MKS1: variants seen among roughly 807,000 people sequenced by gnomAD.
MKS1 encodes the protein MKS transition zone complex subunit 1, also known as tectonic-like complex member MKS1.
Under a neutral mutation model 83.7 loss-of-function variants are expected in MKS1, and 70 were observed. The observed-to-expected ratio is 0.84, with a 90% CI of 0.69 to 1.02. The LOEUF is 1.02. MKS1 is among the 50% of genes least tolerant of loss of function. MKS1 has a pLI of 0.00. For missense variants in MKS1, 681 were observed against 726.9 expected (o/e 0.94, Z 0.73); for synonymous variants, 251 against 273.4 (o/e 0.92, Z 0.81).
chr17:58,216,446 G>A (rs1969222643), intron 3 of MKS1, among the ~76,000 whole-genome samples: 1 of 152,218 alleles, frequency 6.6e-6, no homozygotes. Context: ...ATCCAAGTCT[G>A]CTATTACAGA....
At chr17:58,218,292 C>CA (rs1196045957) in intron 2 of MKS1, among the ~76,000 whole-genome samples, 1 of 151,396 alleles carries the variant, frequency 6.6e-6, no homozygotes, top group Non-Finnish European at 1.5e-5. Context: ...ACTGAAAATA[C>CA]AAAAAATTAG....
Position 58,215,707 on chromosome 17 carries a change from A to C in MKS1, c.417+381T>G, listed in dbSNP as rs1969152147. The C allele has an allele frequency of 1.0e-5, 3 of 298,142 alleles. No individual in the cohort carries two copies. In the South Asian group the frequency reaches 1.1e-4, roughly 11 times the overall value. The allele number at this position is 298,142 out of a possible 1,614,324, so 18.5% of individuals were successfully genotyped here. ...ACTGAATTCCTCTTCAAACCCATAT[A>C]CTCAGAGTTTGGGCTGAATCCCCTG... On this transcript the variant is annotated intron_variant, in intron 4 of 17. Coordinates refer to ENST00000393119, the MANE Select transcript of MKS1 (RefSeq NM_017777.4).
chr17:58,208,461 T>A, intron 12 of MKS1, 52 bp downstream of exon 12: 1 of 1,594,786 alleles, frequency 6.3e-7, no homozygotes, highest in Admixed American at 1.7e-5. Flanking sequence ...TCAAATGCCA[T>A]CCCAGGAGCA....
chr17:58,206,623 A>C (rs1475659019), intron 15 of MKS1, 76 bp from the exon 16 acceptor site: 1 of 1,385,960 alleles, frequency 7.2e-7, no homozygotes, highest in Non-Finnish European at 1.0e-6. Context: ...CCTCACCCCC[A>C]TTCTTATTCC....
intron 2 of MKS1, among the ~76,000 whole-genome samples, chr17:58,217,113 C>T (rs1004616775): frequency 1.3e-5 from 2 of 152,220 alleles, no homozygotes; most frequent in African/African-American, 2.4e-5. Context: ...CCTCAGCCTC[C>T]CAAGTAGCTG....
In MKS1 at chr17:58,212,998, C is replaced by G. The variant is rs794727927; in HGVS notation, c.842G>C (p.Arg281Pro). ...HAQPEEEERE[R>P]RVFKDLYGRH... is the part of the protein sequence containing the mutation. ...TGCGCTTACATCCTTGAACACTCGCCGTTCCCGCTCCTCCTCCTCCGGCTG... is the reference window on the plus strand; with the variant it reads ...TGCGCTTACATCCTTGAACACTCGCGGTTCCCGCTCCTCCTCCTCCGGCTG... The change falls in exon 8 of 18, where the codon CGG becomes CCG. Residue 281 changes from arginine (R) to proline (P), a missense_variant. Transcript: ENST00000393119. 1 of 1,614,016 alleles carries G rather than the reference C, an allele frequency of 6.2e-7. No individual in the cohort carries two copies. Among genetic ancestry groups the G allele is most frequent in the African/African-American group, 1.3e-5 (1 of 74,902 alleles).
At chr17:58,208,022 G>A (rs761733134) in intron 13 of MKS1, 21 bp from the exon 14 acceptor site, 18 of 1,611,748 alleles carry the variant, frequency 1.1e-5, no homozygotes, top group Non-Finnish European at 1.5e-5. Context: ...GGAGAGAAGC[G>A]GCCAGGTCAC....
intron 2 of MKS1, among the ~76,000 whole-genome samples, chr17:58,217,468 C>A (rs773364289): frequency 1.2e-4 from 19 of 152,078 alleles, no homozygotes; most frequent in Non-Finnish European, 2.8e-4. Context: ...ATTTAGGAGA[C>A]CAAGTGTAAG....
chr17:58,214,977 T>C (rs1969108506), intron 4 of MKS1, 139 bp from the exon 5 acceptor site: 2 of 1,379,352 alleles, frequency 1.4e-6, no homozygotes, highest in Admixed American at 4.0e-5. Context: ...TTATACATGC[T>C]AACGGAGGGA....
Position 58,211,032 on chromosome 17 carries a change from A to G in MKS1, c.916-10T>C, listed in dbSNP as rs750119538. 1.2e-6 allele frequency: 2 copies of G among 1,613,798 alleles called. No homozygotes were observed. Among genetic ancestry groups the G allele is most frequent in the African/African-American group, 2.7e-5 (2 of 74,938 alleles). On this transcript the variant is annotated splice_polypyrimidine_tract_variant and intron_variant, in intron 9 of 17. Coordinates refer to ENST00000393119, the MANE Select transcript of MKS1 (RefSeq NM_017777.4). ...GGGCACCTGGGACAGTCTAAGGTGA[A>G]GAGAAGTGGGAAAGGATCAGCAGGC...
chr17:58,213,999 G>C, intron 6 of MKS1, 130 bp from the exon 7 acceptor site: 1 of 979,464 alleles, frequency 1.0e-6, no homozygotes, highest in Non-Finnish European at 1.6e-6. Context: ...TTTCTTCCAA[G>C]TACAACTAAG....
intron 4 of MKS1, 114 bp downstream of exon 4, chr17:58,215,974 G>C: frequency 7.7e-7 from 1 of 1,304,050 alleles, no homozygotes; most frequent in Non-Finnish European, 1.1e-6. Flanking sequence ...GCAGTTCCTA[G>C]ACAGGCTACT....
At chr17:58,212,775 T>C (rs1968950374) in intron 8 of MKS1, among the ~76,000 whole-genome samples, 2 of 152,164 alleles carry the variant, frequency 1.3e-5, no homozygotes, top group African/African-American at 2.4e-5. Context: ...GCACAGAACA[T>C]GGTAAATGCT....
rs11548967 is a variant in MKS1 at position 58,206,088 on chromosome 17, C to G, written c.1671G>C (p.Leu557=). Residue 557 remains leucine, a synonymous_variant, in exon 18 of 18, where the codon CTG becomes CTC. Coordinates refer to ENST00000393119, the MANE Select transcript of MKS1 (RefSeq NM_017777.4). ...PQDLVSPSGT[L]VS ...CCAGGGCTGCTGTGAGCTAGGAGAC[C>G]AGGGTTCCAGAGGGGCTCACTAGGT... The G allele has an allele frequency of 0.034, 54,063 of 1,611,270 alleles. 1,584 individuals carry two copies. Among genetic ancestry groups the G allele is most frequent in the African/African-American group, 0.16 (11,657 of 74,950 alleles).
At position 58,210,980 on chromosome 17, in the gene MKS1, C is replaced by T. The variant is rs386834053; in HGVS notation, c.958G>A (p.Val320Ile). The change falls in exon 10 of 18, where the codon GTT becomes ATT. Residue 320 changes from valine (V) to isoleucine (I), a missense_variant and splice_region_variant. By Grantham distance (29) the Val-to-Ile change is conservative (BLOSUM62 3). Coordinates refer to ENST00000393119, the MANE Select transcript of MKS1 (RefSeq NM_017777.4). ...ALRLFVNGEV[V>I]SAQGYEYDNL... ...AGATCTATGCTAGCAAGACACTTAC[C>T]GACCTCTCCATTTACAAAGAGCCGG... 3.0e-5 allele frequency: 49 copies of T among 1,613,750 alleles called. No individual in the cohort carries two copies. Among genetic ancestry groups the T allele is most frequent in the East Asian group, 4.5e-5 (2 of 44,894 alleles).
chr17:58,207,119 T>C lies in MKS1; in HGVS notation c.1373A>G (p.Asp458Gly). Residue 458 changes from aspartate to glycine, a missense_variant, in exon 15 of 18, where the codon GAC (aspartate) becomes GGC (glycine). Asp to Gly is a moderately conservative substitution (Grantham distance 94, BLOSUM62 -1). Around this residue, in one of 3 missense-constraint regions of MKS1, gnomAD observed 310 missense variants for 321.7 expected, o/e 0.96. Transcript: ENST00000393119. ...FFIGGSLELE[D>G]LSYVRIPGSF... ...TCCTGGTATCCGTACATAGGAGAGG[T>C]CCTCCAGTTCCAGAGAACCGCCAAT... The C allele has an allele frequency of 6.2e-7, 1 of 1,613,768 alleles. No homozygotes were observed. Among genetic ancestry groups the C allele is most frequent in the Non-Finnish European group, 8.5e-7 (1 of 1,179,916 alleles).
intron 9 of MKS1, among the ~76,000 whole-genome samples, chr17:58,211,479 ATTCTATCCTTGT>A (rs1409502635): frequency 6.6e-6 from 1 of 152,246 alleles, no homozygotes; most frequent in Non-Finnish European, 1.5e-5. Context: ...CCAGGAAGTA[ATTCTATCCTTGT>A]TTCCAGGTCT....
Position 58,207,064 on chromosome 17 carries a change from C to T in MKS1, c.1407+21G>A, listed in dbSNP as rs148473425. 1.1e-5 allele frequency: 17 copies of T among 1,614,138 alleles called. No homozygotes were observed. In the East Asian group the frequency reaches 3.8e-4, roughly 36 times the overall value. ...GGACCATAAGTTCTCAGCGTGAAGT[C>T]ACTCCAAAGACAAAAGTCACCTTGA... On this transcript the variant is annotated intron_variant, in intron 15 of 17. Transcript: ENST00000393119.
chr17:58,210,748 T>C, intron 10 of MKS1, 24 bp from the exon 11 acceptor site: 1 of 1,611,884 alleles, frequency 6.2e-7, no homozygotes, highest in Non-Finnish European at 8.5e-7. Context: ...CAGGAAGCTA[T>C]TTTAGCTTTT....
Sources: allele counts gnomAD v4.1 joint callset (sites outside exome capture counted in the v4.1 genomes callset), GRCh38; gene constraint gnomAD v4.1.1; regional missense constraint gnomAD v4.1.1; transcripts MANE v1.5; gene names NCBI Gene and HGNC (gene_info 2026-07-23, HGNC 2026-07-21).